DPP6: variants seen among roughly 807,000 people sequenced by gnomAD.
DPP6 encodes the protein A-type potassium channel modulatory protein DPP6.
Under a neutral mutation model 122.6 loss-of-function variants are expected in DPP6, and 69 were observed. The ratio of observed to expected loss-of-function variants is 0.56; its 90% CI spans 0.46 to 0.69. The LOEUF (loss-of-function observed/expected upper bound fraction) is 0.69. Among genes scored for constraint, DPP6 ranks in the 30% least tolerant of loss-of-function variants. The pLI, the probability that DPP6 is intolerant of heterozygous loss-of-function variation, is 0.00. For missense variants in DPP6, 928 were observed against 1,116.9 expected (o/e 0.83, Z 2.41); for synonymous variants, 418 against 433.1 (o/e 0.97, Z 0.43).
intron 8 of DPP6, among the ~76,000 whole-genome samples, chr7:154,750,658 AG>A (rs1843334337): frequency 1.3e-5 from 2 of 152,308 alleles, no homozygotes; most frequent in Admixed American, 1.3e-4. Flanking sequence ...CACACCAGCC[AG>A]TCTCCAGTAA....
At chr7:154,001,572 T>C (rs1797694252) in intron 1 of DPP6, among the ~76,000 whole-genome samples, 3 of 151,996 alleles carry the variant, frequency 2.0e-5, no homozygotes, top group Admixed American at 1.3e-4. Context: ...TGCTGGCAGT[T>C]TATAAATCTT....
chr7:153,828,396 AT>A, the DPP6 span, among the ~76,000 whole-genome samples: 4 of 152,128 alleles, frequency 2.6e-5, no homozygotes, highest in South Asian at 2.1e-4. Flanking sequence ...CACATGTAGC[AT>A]TGGCAGAAGC....
At chr7:154,398,837 G>T (rs1193642413) in intron 1 of DPP6, among the ~76,000 whole-genome samples, 2 of 152,142 alleles carry the variant, frequency 1.3e-5, no homozygotes, top group African/African-American at 4.8e-5. Context: ...TTTCTTAAAA[G>T]AAGCAAGACT....
intron 12 of DPP6, 112 bp downstream of exon 12, chr7:154,795,995 G>C: frequency 1.4e-6 from 2 of 1,452,450 alleles, no homozygotes; most frequent in Non-Finnish European, 1.8e-6. Flanking sequence ...ATCACACAGG[G>C]CTCCCCAGGC....
At chr7:153,876,774 T>A in the DPP6 span, among the ~76,000 whole-genome samples, 5 of 152,008 alleles carry the variant, frequency 3.3e-5, no homozygotes, top group African/African-American at 7.2e-5. Flanking sequence ...TCCTACACAC[T>A]TAGCCTATAT....
intron 1 of DPP6, among the ~76,000 whole-genome samples, chr7:154,399,346 T>G (rs17174402): frequency 0.09 from 13,712 of 152,270 alleles, 712 homozygotes; most frequent in East Asian, 0.13. Context: ...TCCAGACATC[T>G]AGATCATGCC....
chr7:153,820,129 T>C, the DPP6 span, among the ~76,000 whole-genome samples: 4 of 152,224 alleles, frequency 2.6e-5, no homozygotes, highest in South Asian at 8.3e-4. Context: ...GAGAATCTCC[T>C]TTCCAAAGAG....
At chr7:154,851,052 C>T (rs951098963) in intron 16 of DPP6, among the ~76,000 whole-genome samples, 4 of 152,126 alleles carry the variant, frequency 2.6e-5, no homozygotes, top group African/African-American at 9.7e-5. Context: ...CATTTAAGAA[C>T]ATTTTAGCAA....
chr7:154,383,225 G>A (rs1484888454), intron 1 of DPP6, among the ~76,000 whole-genome samples: 1 of 152,340 alleles, frequency 6.6e-6, no homozygotes, highest in Non-Finnish European at 1.5e-5. Flanking sequence ...ACAGGCTGAA[G>A]TGGAAATGTG....
At chr7:154,270,034 A>G (rs956163078) in intron 1 of DPP6, among the ~76,000 whole-genome samples, 1 of 152,222 alleles carries the variant, frequency 6.6e-6, no homozygotes, top group Admixed American at 6.5e-5. Flanking sequence ...GTGAGGGTAT[A>G]TTTAAACTAA....
chr7:154,513,769 G>A (rs60442559), intron 3 of DPP6, among the ~76,000 whole-genome samples: 23,653 of 152,090 alleles, frequency 0.16, 1,825 homozygotes, highest in Middle Eastern at 0.19. Flanking sequence ...CCCACCAGAC[G>A]TTAGAGTCAT....
intron 1 of DPP6, among the ~76,000 whole-genome samples, chr7:154,255,592 C>G (rs1802608590): frequency 6.6e-6 from 1 of 150,598 alleles, no homozygotes; most frequent in Non-Finnish European, 1.5e-5. Flanking sequence ...TCTCATCTCT[C>G]CCCTCCTCCT....
the DPP6 span, among the ~76,000 whole-genome samples, chr7:153,788,734 C>T: frequency 1.9e-3 from 282 of 152,176 alleles, 1 homozygote; most frequent in African/African-American, 6.5e-3. Flanking sequence ...GAGGCCAAGG[C>T]GGATGGATCA....
At chr7:154,243,958 C>A (rs912213019) in intron 1 of DPP6, among the ~76,000 whole-genome samples, 7 of 151,634 alleles carry the variant, frequency 4.6e-5, no homozygotes, top group African/African-American at 1.5e-4. Flanking sequence ...ATGTAAGTTG[C>A]GTCTCAACAG....
chr7:154,865,062 G>GT (rs1399864811), intron 17 of DPP6, among the ~76,000 whole-genome samples: 1 of 152,324 alleles, frequency 6.6e-6, no homozygotes, highest in East Asian at 1.9e-4. Context: ...TTAACCAGCT[G>GT]TAAGAGGGTC....
At chr7:154,726,936 A>G (rs1002567739) in intron 7 of DPP6, among the ~76,000 whole-genome samples, 4 of 152,196 alleles carry the variant, frequency 2.6e-5, no homozygotes, top group Non-Finnish European at 5.9e-5. Context: ...TATCACTATC[A>G]GCATTTTGGT....
In DPP6 at chr7:154,183,901, C is replaced by T. The variant is rs571391934; in HGVS notation, c.243+130838C>T. 6.4e-4 allele frequency among the ~76,000 whole-genome samples: 97 copies of T among 152,360 alleles called. 1 individual carries two copies. Among genetic ancestry groups the T allele is most frequent in the African/African-American group, 2.2e-3 (90 of 41,586 alleles). On this transcript the variant is annotated intron_variant, in intron 1 of 25. Transcript: ENST00000377770. ...CCCTCTGCATCGTGCATTTCTCTGACAGGGGCCCTGCACTATTTGCGGAGG... is the reference window on the plus strand; with the variant it reads ...CCCTCTGCATCGTGCATTTCTCTGATAGGGGCCCTGCACTATTTGCGGAGG...
chr7:154,531,765 C>T lies in DPP6; in HGVS notation c.458-8767C>T, dbSNP rs191956752. On this transcript the variant is annotated intron_variant, in intron 3 of 25. Coordinates refer to ENST00000377770, the MANE Select transcript of DPP6 (RefSeq NM_130797.4). ...GTAATACACATAACAAGTATAATTG[C>T]GTGGAAGTGGACACGGACCTGAAAG... 2.1e-3 allele frequency among the ~76,000 whole-genome samples: 312 copies of T among 152,000 alleles called. 2 individuals carry two copies. Among genetic ancestry groups the T allele is most frequent in the Non-Finnish European group, 2.8e-3 (192 of 67,974 alleles).
At chr7:154,082,236 G>T (rs1804067929) in intron 1 of DPP6, among the ~76,000 whole-genome samples, 1 of 152,026 alleles carries the variant, frequency 6.6e-6, no homozygotes, top group Non-Finnish European at 1.5e-5. Flanking sequence ...ACTTTCACCT[G>T]CCTGAGTTGT....
Sources: allele counts gnomAD v4.1 joint callset (sites outside exome capture counted in the v4.1 genomes callset), GRCh38; gene constraint gnomAD v4.1.1; transcripts MANE v1.5; gene names NCBI Gene and HGNC (gene_info 2026-07-23, HGNC 2026-07-21).